Variants in SMARCC1 observed in about 807,000 individuals in gnomAD.
SMARCC1 encodes SWI/SNF complex subunit SMARCC1.
A neutral mutation model predicts 147.4 loss-of-function variants in SMARCC1; 43 were observed. That is an observed-to-expected ratio of 0.29 (90% CI 0.23 to 0.38). The LOEUF (loss-of-function observed/expected upper bound fraction) is 0.38. SMARCC1 is among the 10% of genes least tolerant of loss of function. The pLI, the probability that SMARCC1 is intolerant of heterozygous loss-of-function variation, is 1.00. For missense variants in SMARCC1, 1,119 were observed against 1,381.1 expected (o/e 0.81, Z 3.01); for synonymous variants, 495 against 484.4 (o/e 1.02, Z -0.29).
In SMARCC1 at chr3:47,701,312, T is replaced by G. The variant is rs1386118394; in HGVS notation, c.1131A>C (p.Val377=). 2 of 1,613,280 alleles carry G rather than the reference T, an allele frequency of 1.2e-6. No homozygotes were observed. The highest frequency in any genetic ancestry group is 2.2e-5 in the East Asian group (1 of 44,872). The change falls in exon 11 of 28, where the codon GTA becomes GTC. Residue 377 remains valine (V), a synonymous_variant. Transcript: ENST00000254480. ...LTKDMEDPTP[V]PNIEEVVLPK... ...GAAGTACTACTTCTTCTATATTGGGTACAGGTGTTGGGTCTTCCATATCCT... is the reference window on the plus strand; with the variant it reads ...GAAGTACTACTTCTTCTATATTGGGGACAGGTGTTGGGTCTTCCATATCCT...
intron 2 of SMARCC1, chr3:47,746,429 A>T (rs967066525): frequency 6.5e-6 from 1 of 153,218 alleles, no homozygotes; most frequent in African/African-American, 2.4e-5. Context: ...CCTGGATGAC[A>T]GAGTGAGATG....
chr3:47,599,361 C>T (rs1158151054), intron 26 of SMARCC1, among the ~76,000 whole-genome samples: 2 of 152,108 alleles, frequency 1.3e-5, no homozygotes, highest in African/African-American at 4.8e-5. Flanking sequence ...CCAGCCTGAG[C>T]GACAAAAGCA....
At chr3:47,730,231 T>C (rs1252949654) in intron 5 of SMARCC1, among the ~76,000 whole-genome samples, 1 of 152,142 alleles carries the variant, frequency 6.6e-6, no homozygotes, top group Non-Finnish European at 1.5e-5. Flanking sequence ...CTCACACCTG[T>C]AATCCCAGCA....
intron 2 of SMARCC1, among the ~76,000 whole-genome samples, chr3:47,752,258 G>T (rs2034637854): frequency 6.6e-6 from 1 of 152,134 alleles, no homozygotes; most frequent in Non-Finnish European, 1.5e-5. Context: ...TCACCCAAAT[G>T]AAAACGTGAG....
At chr3:47,776,226 C>A (rs1366228119) in intron 1 of SMARCC1, among the ~76,000 whole-genome samples, 1 of 152,156 alleles carries the variant, frequency 6.6e-6, no homozygotes, top group Non-Finnish European at 1.5e-5. Context: ...AAGGTAACTT[C>A]ATAATCTTTA....
At chr3:47,614,672 T>C (rs957046318) in intron 25 of SMARCC1, among the ~76,000 whole-genome samples, 1 of 152,142 alleles carries the variant, frequency 6.6e-6, no homozygotes, top group Admixed American at 6.5e-5. Context: ...CAAGCCACCA[T>C]ATCTCACGTG....
At chr3:47,709,716 G>T (rs1360077575) in intron 9 of SMARCC1, among the ~76,000 whole-genome samples, 1 of 151,730 alleles carries the variant, frequency 6.6e-6, no homozygotes, top group African/African-American at 2.4e-5. Flanking sequence ...AAAAATAAAA[G>T]TAAAACAACA....
chr3:47,633,808 A>ACACACACT (rs2032932138), intron 24 of SMARCC1, among the ~76,000 whole-genome samples: 1 of 139,976 alleles, frequency 7.1e-6, no homozygotes. Context: ...ACACACACAC[A>ACACACACT]CACACACACA....
chr3:47,659,282 T>TAAAAAAAAAAGAAAAAAA (rs2033306889), intron 21 of SMARCC1, among the ~76,000 whole-genome samples: 1 of 123,310 alleles, frequency 8.1e-6, no homozygotes, highest in Non-Finnish European at 1.8e-5. Flanking sequence ...AAATAAAAAA[T>TAAAAAAAAAAGAAAAAAA]AAAAAAAAAA....
chr3:47,654,261 A>T (rs1241035094), intron 21 of SMARCC1, among the ~76,000 whole-genome samples: 1 of 152,218 alleles, frequency 6.6e-6, no homozygotes, highest in Non-Finnish European at 1.5e-5. Flanking sequence ...CATTTAGGAA[A>T]TTAAGACCCA....
chr3:47,697,663 A>G (rs901251166), intron 11 of SMARCC1, among the ~76,000 whole-genome samples: 2 of 151,828 alleles, frequency 1.3e-5, no homozygotes, highest in Non-Finnish European at 2.9e-5. Flanking sequence ...TGAGGCCAGC[A>G]TAACCATGAC....
At chr3:47,733,119 TAAAC>T (rs2034396186) in intron 5 of SMARCC1, among the ~76,000 whole-genome samples, 1 of 151,576 alleles carries the variant, frequency 6.6e-6, no homozygotes, top group Middle Eastern at 3.4e-3. Flanking sequence ...AAAAAACAAA[TAAAC>T]AAGCAAAAAA....
intron 21 of SMARCC1, among the ~76,000 whole-genome samples, chr3:47,643,347 A>G (rs965629822): frequency 6.6e-6 from 1 of 152,204 alleles, no homozygotes; most frequent in Non-Finnish European, 1.5e-5. Context: ...GCAAGACAGT[A>G]CATGCATGTG....
intron 24 of SMARCC1, among the ~76,000 whole-genome samples, chr3:47,629,251 G>C (rs1379810160): frequency 1.3e-5 from 2 of 152,270 alleles, no homozygotes; most frequent in East Asian, 3.9e-4. Context: ...CATTCAAGAA[G>C]TTGTAAATAG....
chr3:47,627,411 G>A (rs867760526), intron 24 of SMARCC1, among the ~76,000 whole-genome samples: 1 of 152,070 alleles, frequency 6.6e-6, no homozygotes, highest in Non-Finnish European at 1.5e-5. Flanking sequence ...ATTTTATTGT[G>A]AGCAGCTAGA....
chr3:47,735,351 T>G (rs1381751586), intron 5 of SMARCC1, among the ~76,000 whole-genome samples: 6 of 152,116 alleles, frequency 3.9e-5, no homozygotes, highest in Non-Finnish European at 8.8e-5. Context: ...ACACTGGTAC[T>G]TTAAGAACTC....
At chr3:47,643,777 A>G (rs1238629487) in intron 21 of SMARCC1, among the ~76,000 whole-genome samples, 1 of 152,232 alleles carries the variant, frequency 6.6e-6, no homozygotes, top group African/African-American at 2.4e-5. Flanking sequence ...GATTCAAATT[A>G]TTGGTAATGT....
In SMARCC1 at chr3:47,742,388, G is replaced by C. The variant is rs891005344; in HGVS notation, c.401+3520C>G. On this transcript the variant is annotated intron_variant, in intron 3 of 27. Coordinates refer to ENST00000254480, the MANE Select transcript of SMARCC1 (RefSeq NM_003074.4). The stretch of plus-strand genomic sequence containing the variant: ...AACTCTCTATTACTTAATTGAACTT[G>C]GTATTTAATCTCTCCTTTGGGAGAT... Among the ~76,000 whole-genome samples the C allele has an allele frequency of 6.6e-5, 10 of 152,034 alleles. No homozygotes were observed. The East Asian group carries it at 1.7e-3, about 26-fold the overall frequency.
chr3:47,719,103 CG>C (rs1313427394), intron 7 of SMARCC1, among the ~76,000 whole-genome samples: 18 of 151,738 alleles, frequency 1.2e-4, no homozygotes, highest in Non-Finnish European at 1.6e-4. Context: ...TTAGTAGAGA[CG>C]GGGGTTTCAC....
Sources: gnomAD v4.1 joint callset for allele counts (sites outside exome capture counted in the v4.1 genomes callset) on GRCh38, gnomAD v4.1.1 for gene constraint, MANE v1.5 for transcripts, NCBI Gene and HGNC (gene_info 2026-07-23, HGNC 2026-07-21) for gene names.